The following LANCL3 variants were observed in gnomAD, a reference collection of about 807,000 sequenced individuals.
The protein encoded by LANCL3 is lanC-like protein 3.
LANCL3 carries 19 observed loss-of-function variants against 26.5 expected under a neutral mutation model. That is an observed-to-expected ratio of 0.72 (90% confidence interval 0.50 to 1.05). The LOEUF is 1.05. Among genes scored for constraint, LANCL3 ranks in the 50% least tolerant of loss-of-function variants. The probability of loss-of-function intolerance (pLI) is 0.00; values close to 1 mark genes in which losing one functional copy is unlikely to be tolerated. For missense variants in LANCL3, 318 were observed against 362.7 expected, an observed-to-expected ratio of 0.88 and a Z score of 1.00; for synonymous variants, 160 against 166.6, an observed-to-expected ratio of 0.96 and a Z score of 0.30.
chrX:37,601,353 A>G (rs1274530357), intron 1 of LANCL3, among the ~76,000 whole-genome samples: 1 of 111,757 alleles, frequency 8.9e-6, no homozygotes, highest in Admixed American at 9.5e-5. Flanking sequence ...ACGAGATATT[A>G]TTGAGTCTGT....
chrX:37,647,846 C>T (rs1556427553), intron 1 of LANCL3, among the ~76,000 whole-genome samples: 2 of 112,870 alleles, frequency 1.8e-5, no homozygotes, highest in African/African-American at 6.4e-5. Context: ...AAAATGTTTC[C>T]TTGGGCTCTA....
Position 37,675,704 on chromosome X carries a change from T to C in LANCL3, c.1154T>C (p.Leu385Pro), listed in dbSNP as rs1317974902. Residue 385 changes from leucine (L) to proline (P), a missense_variant, in exon 5 of 5, where the codon CTT becomes CCT. Physicochemically the swap from Leu to Pro is moderately conservative, Grantham distance 98 (BLOSUM62 -3). Transcript: ENST00000378619. ...TEEFKAGSRV[L>P]ESIYSLYEGF... ...GAATTCAAGGCCGGTTCTCGGGTCC[T>C]TGAAAGTATATACAGCTTGTATGAA... 8.7e-7 allele frequency: 1 copy of C among 1,155,530 alleles called. No homozygotes were observed. Among genetic ancestry groups the C allele is most frequent in the East Asian group, 3.3e-5 (1 of 30,477 alleles).
intron 3 of LANCL3, 22 bp from the exon 4 acceptor site, chrX:37,667,260 A>G: frequency 2.9e-6 from 3 of 1,035,033 alleles, no homozygotes; most frequent in Non-Finnish European, 3.8e-6. Flanking sequence ...AGTCACCTCT[A>G]ATATCTTTGA....
chrX:37,659,155 G>A (rs1166221828), intron 2 of LANCL3, among the ~76,000 whole-genome samples: 4 of 112,491 alleles, frequency 3.6e-5, no homozygotes, highest in Admixed American at 1.9e-4. Context: ...TTTCTGGGCC[G>A]TATGGCCTCT....
At chrX:37,660,379 A>T (rs915313752) in intron 3 of LANCL3, among the ~76,000 whole-genome samples, 1 of 111,984 alleles carries the variant, frequency 8.9e-6, no homozygotes, top group South Asian at 3.7e-4. Flanking sequence ...GAGAATTTCC[A>T]TCAGTACCAA....
intron 2 of LANCL3, among the ~76,000 whole-genome samples, chrX:37,658,971 A>G (rs1433578003): frequency 8.9e-6 from 1 of 112,666 alleles, no homozygotes; most frequent in East Asian, 2.8e-4. Flanking sequence ...TCGAATGAAT[A>G]AAAAAATAAA....
At chrX:37,631,130 C>G (rs1028168719) in intron 1 of LANCL3, among the ~76,000 whole-genome samples, 5 of 111,675 alleles carry the variant, frequency 4.5e-5, no homozygotes, top group African/African-American at 1.6e-4. Context: ...AATTTCAGAT[C>G]CTGTTATTGT....
Position 37,665,752 on chromosome X carries a change from A to C in LANCL3, c.896-1530A>C, listed in dbSNP as rs994783536. Among the ~76,000 whole-genome samples, 3 of 111,840 alleles carry C rather than the reference A, an allele frequency of 2.7e-5. No individual in the cohort carries two copies. In the Admixed American group the frequency reaches 2.9e-4, roughly 11 times the overall value. On this transcript the variant is annotated intron_variant, in intron 3 of 4. Transcript: ENST00000378619. ...TTTAGAAAAATTATTAAGAATTTCAAGGTGGTAATAGCAGAGCATTAAACT... is the reference window on the plus strand; with the variant it reads ...TTTAGAAAAATTATTAAGAATTTCACGGTGGTAATAGCAGAGCATTAAACT...
intron 1 of LANCL3, among the ~76,000 whole-genome samples, chrX:37,578,515 G>T (rs1476821782): frequency 9.0e-6 from 1 of 111,623 alleles, no homozygotes; most frequent in African/African-American, 3.3e-5. Flanking sequence ...TGTTTTTGCT[G>T]TCAGCTAGTT....
intron 1 of LANCL3, among the ~76,000 whole-genome samples, chrX:37,610,467 A>C (rs5963783): frequency 0.25 from 28,191 of 110,670 alleles, 5,351 homozygotes; most frequent in African/African-American, 0.67. Context: ...GTCTGCCACA[A>C]AGGGGACCCT....
At chrX:37,624,571 T>G (rs1556422759) in intron 1 of LANCL3, among the ~76,000 whole-genome samples, 3 of 112,179 alleles carry the variant, frequency 2.7e-5, no homozygotes. Context: ...ATTTATTAAA[T>G]TAATGTAAAA....
chrX:37,604,484 A>G (rs1924653343), intron 1 of LANCL3, among the ~76,000 whole-genome samples: 1 of 111,815 alleles, frequency 8.9e-6, no homozygotes, highest in African/African-American at 3.3e-5. Context: ...TTGTTTTATT[A>G]TTATTGTTCG....
intron 1 of LANCL3, among the ~76,000 whole-genome samples, chrX:37,653,785 A>C (rs1306169152): frequency 3.6e-5 from 4 of 111,819 alleles, no homozygotes; most frequent in African/African-American, 1.3e-4. Flanking sequence ...CTGATATGAT[A>C]GGACAGTGGG....
chrX:37,622,986 G>A (rs1415499381), intron 1 of LANCL3, among the ~76,000 whole-genome samples: 1 of 112,212 alleles, frequency 8.9e-6, no homozygotes, highest in African/African-American at 3.2e-5. Flanking sequence ...GGATTATGAG[G>A]ATATTATTTC....
intron 2 of LANCL3, among the ~76,000 whole-genome samples, chrX:37,658,973 A>T (rs1346293823): frequency 3.5e-5 from 4 of 112,801 alleles, no homozygotes; most frequent in African/African-American, 1.3e-4. Context: ...GAATGAATAA[A>T]AAAATAAATG....
rs376364689 is a variant in LANCL3, at chrX:37,647,048, C to T, written c.574-8640C>T. Among the ~76,000 whole-genome samples, 554 of 112,224 alleles carry T rather than the reference C, an allele frequency of 4.9e-3. 7 individuals carry two copies. Among genetic ancestry groups the T allele is most frequent in the African/African-American group, 0.017 (534 of 30,899 alleles). On this transcript the variant is annotated intron_variant, in intron 1 of 4. Coordinates refer to ENST00000378619, the MANE Select transcript of LANCL3 (RefSeq NM_001170331.2). ...ATACCCAGGAGGCTGGGTGTGGTGG[C>T]TCACACCTGTAATCCCAGCACTTTG...
At chrX:37,673,960 C>T (rs1334962230) in intron 4 of LANCL3, among the ~76,000 whole-genome samples, 1 of 111,467 alleles carries the variant, frequency 9.0e-6, no homozygotes, top group Non-Finnish European at 1.9e-5. Flanking sequence ...TTATTGAATG[C>T]TTGCTATATT....
chrX:37,649,083 AC>A (rs1556427932), intron 1 of LANCL3, among the ~76,000 whole-genome samples: 1 of 111,609 alleles, frequency 9.0e-6, no homozygotes, highest in Non-Finnish European at 1.9e-5. Context: ...ATACCATTTG[AC>A]CCAGTAATCC....
intron 1 of LANCL3, among the ~76,000 whole-genome samples, chrX:37,601,184 A>T (rs1213467046): frequency 8.9e-6 from 1 of 111,977 alleles, no homozygotes; most frequent in Non-Finnish European, 1.9e-5. Context: ...TAAAAGATGC[A>T]GCCTCTGTGA....
Sources: allele counts gnomAD v4.1 joint callset (sites outside exome capture counted in the v4.1 genomes callset), GRCh38; gene constraint gnomAD v4.1.1; transcripts MANE v1.5; gene names NCBI Gene and HGNC (gene_info 2026-07-23, HGNC 2026-07-21).